TACC2: variants seen among roughly 807,000 people sequenced by gnomAD.
TACC2 encodes transforming acidic coiled-coil-containing protein 2.
Under a neutral mutation model 227.3 loss-of-function variants are expected in TACC2, and 137 were observed. That is an observed-to-expected ratio of 0.60 (90% CI 0.52 to 0.69). The LOEUF is 0.69. Among genes scored for constraint, TACC2 ranks in the 30% least tolerant of loss-of-function variants. The pLI is 0.00. For synonymous variants in TACC2, 1,523 were observed against 1,487.5 expected, an observed-to-expected ratio of 1.02 and a Z score of -0.55; for missense variants, 3,470 against 3,694.4, an observed-to-expected ratio of 0.94 and a Z score of 1.57.
In TACC2 at chr10:122,087,315, C is replaced by T. The variant is rs776890649; in HGVS notation, c.4815C>T (p.Ala1605=). 2 of 1,614,016 alleles carry T rather than the reference C, an allele frequency of 1.2e-6. No homozygotes were observed. The highest frequency in any genetic ancestry group is 2.2e-5 in the South Asian group (2 of 91,080). The change falls in exon 4 of 23, where the codon GCC becomes GCT. Residue 1605 remains alanine, a synonymous_variant. Coordinates refer to ENST00000369005, the MANE Select transcript of TACC2 (RefSeq NM_206862.4). ...PSGKQHQETS[A]CDSPHGEDGP... is the part of the protein sequence containing the mutation. Reference sequence around the variant, plus strand: ...GAAAGCAGCACCAGGAAACATCTGCCTGCGACAGTCCACATGGAGAAGATG... The same window carrying T: ...GAAAGCAGCACCAGGAAACATCTGCTTGCGACAGTCCACATGGAGAAGATG...
chr10:122,116,141 G>T (rs2084662258), intron 5 of TACC2, among the ~76,000 whole-genome samples: 1 of 152,198 alleles, frequency 6.6e-6, no homozygotes, highest in Non-Finnish European at 1.5e-5. Context: ...CGAGAGGCCT[G>T]AGAAGGAAGA....
intron 9 of TACC2, among the ~76,000 whole-genome samples, chr10:122,212,391 A>G (rs913308043): frequency 6.6e-6 from 1 of 152,212 alleles, no homozygotes; most frequent in Non-Finnish European, 1.5e-5. Flanking sequence ...CCTTGGCTCT[A>G]TGGTCCCCAG....
In TACC2 at chr10:122,163,259, C is replaced by T. The variant is rs1206076229; in HGVS notation, c.5834+19553C>T. Among the ~76,000 whole-genome samples, 4 of 152,186 alleles carry T rather than the reference C, an allele frequency of 2.6e-5. No individual in the cohort carries two copies. In the East Asian group the frequency reaches 5.9e-4, roughly 22 times the overall value. ...TATTTACCTGTTCCTCCAGCCATCCCCTTAGTCCTGGGCCGGGAGAGACCA... is the reference window on the plus strand; with the variant it reads ...TATTTACCTGTTCCTCCAGCCATCCTCTTAGTCCTGGGCCGGGAGAGACCA... On this transcript the variant is annotated intron_variant, in intron 7 of 22. Coordinates refer to ENST00000369005, the MANE Select transcript of TACC2 (RefSeq NM_206862.4).
At chr10:122,156,832 G>A (rs891124750) in intron 7 of TACC2, among the ~76,000 whole-genome samples, 2 of 152,180 alleles carry the variant, frequency 1.3e-5, no homozygotes, top group Non-Finnish European at 2.9e-5. Flanking sequence ...GACTAGACTT[G>A]TGAGGACATG....
In TACC2 at chr10:122,229,518, T is replaced by C. The variant is rs776838392; in HGVS notation, c.8037+32T>C. 6 of 1,613,014 alleles carry C rather than the reference T, an allele frequency of 3.7e-6. No individual in the cohort carries two copies. The African/African-American group carries it at 5.3e-5, about 14-fold the overall frequency. Reference sequence around the variant, plus strand: ...AGCCCACGTGTGACCTTTTGGGAGTTTGTCAAAACCTCAGTAGAGAATGAA... The same window carrying C: ...AGCCCACGTGTGACCTTTTGGGAGTCTGTCAAAACCTCAGTAGAGAATGAA... On this transcript the variant is annotated intron_variant, in intron 15 of 22. Coordinates refer to ENST00000369005, the MANE Select transcript of TACC2 (RefSeq NM_206862.4).
chr10:122,143,917 T>C (rs1241777798), intron 7 of TACC2, among the ~76,000 whole-genome samples: 9 of 152,052 alleles, frequency 5.9e-5, no homozygotes, highest in Admixed American at 5.9e-4. Flanking sequence ...GTGGGAAGCA[T>C]GGTGTGGGCG....
chr10:122,212,838 A>G (rs895690671), intron 9 of TACC2, among the ~76,000 whole-genome samples: 1 of 152,172 alleles, frequency 6.6e-6, no homozygotes, highest in Admixed American at 6.5e-5. Flanking sequence ...TCAGTTACTC[A>G]ACTAGGTCCC....
chr10:122,076,620 C>T (rs2078841421), intron 3 of TACC2, among the ~76,000 whole-genome samples: 1 of 151,928 alleles, frequency 6.6e-6, no homozygotes, highest in Non-Finnish European at 1.5e-5. Context: ...AAATTACTTG[C>T]AGTGCATGCC....
At position 122,084,433 on chromosome 10, in the gene TACC2, G is replaced by T. The variant is rs750519794; in HGVS notation, c.1933G>T (p.Asp645Tyr). Residue 645 changes from aspartate (D) to tyrosine (Y), a missense_variant, in exon 4 of 23, where the codon GAC (aspartate) becomes TAC (tyrosine). Physicochemically the swap from Asp to Tyr is radical, Grantham distance 160 (BLOSUM62 -3). Coordinates refer to ENST00000369005, the MANE Select transcript of TACC2 (RefSeq NM_206862.4). The part of the protein sequence containing the change: ...PPRKGGAGHT[D>Y]GPHSQTAEAD... Reference sequence around the variant, plus strand: ...CAGAAAGGGGGGTGCTGGGCACACGGACGGGCCCCACTCTCAGACAGCAGA... The same window carrying T: ...CAGAAAGGGGGGTGCTGGGCACACGTACGGGCCCCACTCTCAGACAGCAGA... 3.7e-6 allele frequency: 6 copies of T among 1,612,710 alleles called. No individual in the cohort carries two copies. The highest frequency in any genetic ancestry group is 8.5e-7 in the Non-Finnish European group (1 of 1,180,020).
chr10:122,119,079 C>G (rs1337400622), intron 5 of TACC2, among the ~76,000 whole-genome samples: 1 of 152,154 alleles, frequency 6.6e-6, no homozygotes, highest in Admixed American at 6.5e-5. Flanking sequence ...ATCTCCAGAA[C>G]TTACTCATCT....
intron 3 of TACC2, among the ~76,000 whole-genome samples, chr10:122,064,380 A>G (rs1460529563): frequency 6.6e-6 from 1 of 152,206 alleles, no homozygotes; most frequent in African/African-American, 2.4e-5. Context: ...CTAATGGGCC[A>G]ATATTGATAC....
chr10:122,082,566 G>A lies in TACC2; in HGVS notation c.147-81G>A, dbSNP rs1160518829. 6.1e-6 allele frequency: 9 copies of A among 1,484,112 alleles called. No homozygotes were observed. In the East Asian group the frequency reaches 1.8e-4, roughly 30 times the overall value. 91.9% of individuals were successfully genotyped at this position (1,484,112 alleles called of 1,614,324 possible). ...GGGCACTTGATGCCCTTTTGTGGGG[G>A]TGGGTTGGGGGGTGACCTGCCTGCA... On this transcript the variant is annotated intron_variant, in intron 3 of 22. Transcript: ENST00000369005.
At chr10:122,064,649 A>C (rs2077194394) in intron 3 of TACC2, among the ~76,000 whole-genome samples, 1 of 152,210 alleles carries the variant, frequency 6.6e-6, no homozygotes, top group African/African-American at 2.4e-5. Context: ...TGTGTTGTAC[A>C]TTCTGATGAA....
At position 122,224,577 on chromosome 10, in the gene TACC2, G is replaced by A. The variant is rs17103228; in HGVS notation, c.7547-149G>A. The A allele has an allele frequency of 0.019, 12,712 of 662,616 alleles. 1,216 individuals carry two copies. In the East Asian group the frequency reaches 0.24, roughly 13 times the overall value. The allele number at this position is 662,616 out of a possible 1,614,324, so 41.0% of individuals were successfully genotyped here. A position where few individuals can be genotyped will look rare whatever the true frequency, so the allele number is the denominator to read the frequency against. On this transcript the variant is annotated intron_variant, in intron 11 of 22. Transcript: ENST00000369005. ...ACTGAGCCTTTTCTTCAGGCTATAT[G>A]AGAAGTCTCTAGACAGTGGGCACCG...
intron 1 of TACC2, among the ~76,000 whole-genome samples, chr10:121,993,125 A>T (rs1168877029): frequency 6.6e-6 from 1 of 152,126 alleles, no homozygotes; most frequent in Non-Finnish European, 1.5e-5. Flanking sequence ...TCAAGAACAG[A>T]CTGGGCAATG....
intron 6 of TACC2, among the ~76,000 whole-genome samples, chr10:122,136,704 C>A (rs1398182867): frequency 6.6e-6 from 1 of 151,954 alleles, no homozygotes; most frequent in Non-Finnish European, 1.5e-5. Flanking sequence ...CAGGCGTGCA[C>A]CACCATGTCT....
intron 22 of TACC2, among the ~76,000 whole-genome samples, chr10:122,252,647 C>T (rs1055214240): frequency 1.3e-5 from 2 of 152,102 alleles, no homozygotes; most frequent in Admixed American, 6.6e-5. Flanking sequence ...TGTGCCACCA[C>T]GCCCAGCTAA....
At chr10:122,250,741 C>T (rs568344212) in intron 22 of TACC2, among the ~76,000 whole-genome samples, 9 of 152,254 alleles carry the variant, frequency 5.9e-5, no homozygotes, top group African/African-American at 9.6e-5. Context: ...CACCCCACCT[C>T]AGTGTCTAGG....
chr10:122,126,348 T>TGTGTGTGTGTGTGTGTGTGTGTG (rs1555053352), intron 5 of TACC2, among the ~76,000 whole-genome samples: 2 of 45,494 alleles, frequency 4.4e-5, no homozygotes, highest in Non-Finnish European at 9.5e-5. Flanking sequence ...GTGTGTGTGT[T>TGTGTGTGTGTGTGTGTGTGTGTG]TGATGTTCAA....
Sources: allele counts gnomAD v4.1 joint callset (sites outside exome capture counted in the v4.1 genomes callset), GRCh38; gene constraint gnomAD v4.1.1; transcripts MANE v1.5; gene names NCBI Gene and HGNC (gene_info 2026-07-23, HGNC 2026-07-21).